Variants in EDAR observed in about 807,000 individuals in gnomAD.
EDAR encodes the protein tumor necrosis factor receptor superfamily member EDAR.
A neutral mutation model predicts 51.3 loss-of-function variants in EDAR; 38 were observed. The observed-to-expected ratio is 0.74, with a 90% CI of 0.57 to 0.97. The LOEUF (loss-of-function observed/expected upper bound fraction) is 0.97. EDAR is among the 50% of genes least tolerant of loss of function. The probability of loss-of-function intolerance (pLI) is 0.00; values close to 1 mark genes in which losing one functional copy is unlikely to be tolerated. For synonymous variants in EDAR, 227 were observed against 242.1 expected (o/e 0.94, Z 0.58); for missense variants, 528 against 595.0 (o/e 0.89, Z 1.17).
At chr2:108,984,583 G>T (rs1698467069) in intron 1 of EDAR, among the ~76,000 whole-genome samples, 1 of 152,008 alleles carries the variant, frequency 6.6e-6, no homozygotes. Context: ...GGGTGTCCTG[G>T]TTCACTCCCT....
At chr2:108,978,535 C>A (rs1451864404) in intron 1 of EDAR, among the ~76,000 whole-genome samples, 1 of 152,154 alleles carries the variant, frequency 6.6e-6, no homozygotes, top group Non-Finnish European at 1.5e-5. Context: ...ACATGCAGAT[C>A]CTCCCAAGGA....
intron 5 of EDAR, among the ~76,000 whole-genome samples, chr2:108,913,323 G>T (rs1302882305): frequency 6.6e-6 from 1 of 152,126 alleles, no homozygotes; most frequent in Non-Finnish European, 1.5e-5. Context: ...GGGGAGTTTT[G>T]CAAGCCTCAC....
At chr2:108,976,423 C>G (rs1698323371) in intron 1 of EDAR, among the ~76,000 whole-genome samples, 1 of 152,164 alleles carries the variant, frequency 6.6e-6, no homozygotes, top group Non-Finnish European at 1.5e-5. Context: ...TGATGCTGGC[C>G]TTGATCACTG....
intron 1 of EDAR, among the ~76,000 whole-genome samples, chr2:108,973,079 C>T (rs1234106219): frequency 6.6e-6 from 1 of 152,162 alleles, no homozygotes; most frequent in Non-Finnish European, 1.5e-5. Flanking sequence ...CTCTGCCTCC[C>T]AGGTTCAAGC....
chr2:108,921,206 G>GGAGGTGTGGGGCA (rs1386435736), intron 5 of EDAR, among the ~76,000 whole-genome samples: 1 of 152,092 alleles, frequency 6.6e-6, no homozygotes, highest in East Asian at 1.9e-4. Flanking sequence ...TTAGAGCCTG[G>GGAGGTGTGGGGCA]GAGGTGTGGG....
intron 5 of EDAR, among the ~76,000 whole-genome samples, chr2:108,917,788 G>A (rs962883865): frequency 3.3e-5 from 5 of 152,080 alleles, no homozygotes; most frequent in Non-Finnish European, 7.4e-5. Flanking sequence ...AAGAACAGGT[G>A]AGCAGATCCG....
At chr2:108,930,767 AC>A (rs1342884864) in intron 2 of EDAR, among the ~76,000 whole-genome samples, 196 bp downstream of exon 2, 1 of 152,234 alleles carries the variant, frequency 6.6e-6, no homozygotes, top group East Asian at 1.9e-4. Context: ...GAAGGGAGCT[AC>A]CAACGAAATC....
chr2:108,930,103 G>C lies in EDAR; in HGVS notation c.174+17C>G, dbSNP rs376660817. The stretch of plus-strand genomic sequence containing the variant: ...CCCCTGAGAGCGCACCAGGCTCCAG[G>C]AGGGCTGGGTCCTTACCAGGTAGGG... On this transcript the variant is annotated intron_variant, in intron 3 of 11. Coordinates refer to ENST00000258443, the MANE Select transcript of EDAR (RefSeq NM_022336.4). 35 of 1,610,380 alleles carry C rather than the reference G, an allele frequency of 2.2e-5. No homozygotes were observed. Among genetic ancestry groups the C allele is most frequent in the Middle Eastern group, 3.3e-4 (2 of 6,060 alleles).
intron 11 of EDAR, 86 bp from the exon 12 acceptor site, chr2:108,897,315 A>G: frequency 7.5e-7 from 1 of 1,329,172 alleles, no homozygotes; most frequent in South Asian, 1.4e-5. Flanking sequence ...ATGAAATAAA[A>G]ATTATTTGAA....
At chr2:108,901,290 A>G (rs1371063490) in intron 11 of EDAR, among the ~76,000 whole-genome samples, 1 of 152,238 alleles carries the variant, frequency 6.6e-6, no homozygotes, top group Non-Finnish European at 1.5e-5. Flanking sequence ...AATGAAAATA[A>G]AAATACAAGA....
intron 1 of EDAR, among the ~76,000 whole-genome samples, chr2:108,950,264 T>G (rs909647780): frequency 2.0e-5 from 3 of 148,314 alleles, no homozygotes; most frequent in Non-Finnish European, 4.5e-5. Flanking sequence ...CCATTCCTTT[T>G]CTTTTTCTTT....
At chr2:108,909,137 A>AT (rs1384426659) in intron 9 of EDAR, among the ~76,000 whole-genome samples, 4 of 152,114 alleles carry the variant, frequency 2.6e-5, no homozygotes, top group African/African-American at 9.7e-5. Context: ...AGCAGTATAT[A>AT]TTTTTTCCTA....
chr2:108,913,233 G>A (rs1011364690), intron 5 of EDAR, among the ~76,000 whole-genome samples: 6 of 152,130 alleles, frequency 3.9e-5, no homozygotes, highest in Admixed American at 1.3e-4. Flanking sequence ...ACAGGCATGA[G>A]CCACCGCGCC....
intron 4 of EDAR, among the ~76,000 whole-genome samples, chr2:108,926,238 C>T (rs1697252129): frequency 6.6e-6 from 1 of 152,134 alleles, no homozygotes; most frequent in Non-Finnish European, 1.5e-5. Context: ...GTGTCCGGTC[C>T]CTTCGTCTTT....
intron 3 of EDAR, 112 bp downstream of exon 3, chr2:108,930,008 T>A: frequency 7.4e-7 from 1 of 1,353,696 alleles, no homozygotes; most frequent in Admixed American, 2.4e-5. Context: ...ACCGGCTGGT[T>A]TGATATACCC....
At position 108,928,836 on chromosome 2, in the gene EDAR, G is replaced by T. The variant is rs1363008424; in HGVS notation, c.356+362C>A. Among the ~76,000 whole-genome samples the T allele has an allele frequency of 5.3e-5, 8 of 152,342 alleles. No individual in the cohort carries two copies. The East Asian group carries it at 1.2e-3, about 22-fold the overall frequency. ...AGTAGCTTCCCCAGAGTGTTCCCAGGATACTAAAAATGCTGCTTTTGCATG... is the reference window on the plus strand; with the variant it reads ...AGTAGCTTCCCCAGAGTGTTCCCAGTATACTAAAAATGCTGCTTTTGCATG... On this transcript the variant is annotated intron_variant, in intron 4 of 11. Transcript: ENST00000258443.
intron 1 of EDAR, among the ~76,000 whole-genome samples, chr2:108,971,410 C>T (rs575612285): frequency 3.3e-5 from 5 of 152,010 alleles, no homozygotes; most frequent in African/African-American, 9.6e-5. Context: ...AGGTGATTTG[C>T]GTGCAAATCA....
chr2:108,960,758 G>T (rs1698022950), intron 1 of EDAR, among the ~76,000 whole-genome samples: 1 of 152,090 alleles, frequency 6.6e-6, no homozygotes, highest in African/African-American at 2.4e-5. Context: ...ACTATGTATA[G>T]ATATATAGAT....
intron 1 of EDAR, among the ~76,000 whole-genome samples, chr2:108,951,795 C>T (rs921985500): frequency 1.3e-5 from 2 of 152,124 alleles, no homozygotes; most frequent in African/African-American, 2.4e-5. Flanking sequence ...AACACTATAT[C>T]AGAACCAATG....
Sources: gnomAD v4.1 joint callset for allele counts (sites outside exome capture counted in the v4.1 genomes callset) on GRCh38, gnomAD v4.1.1 for gene constraint, MANE v1.5 for transcripts, NCBI Gene and HGNC (gene_info 2026-07-23, HGNC 2026-07-21) for gene names.